Variants in LRRC4C observed in about 807,000 individuals in gnomAD.
The protein encoded by LRRC4C is leucine rich repeat containing 4C.
Under a neutral mutation model 33.6 loss-of-function variants are expected in LRRC4C, and 5 were observed. That is an observed-to-expected ratio of 0.15 (90% confidence interval 0.08 to 0.31). The LOEUF is 0.31. Ranked by LOEUF, LRRC4C falls within the 10% of genes least tolerant of loss-of-function variation. LRRC4C has a pLI of 1.00. For synonymous variants in LRRC4C, 329 were observed against 302.0 expected (o/e 1.09, Z -0.93); for missense variants, 560 against 796.7 (o/e 0.70, Z 3.58).
intron 4 of LRRC4C, among the ~76,000 whole-genome samples, chr11:40,303,202 T>A (rs1944863702): frequency 1.3e-5 from 2 of 152,080 alleles, no homozygotes; most frequent in Non-Finnish European, 1.5e-5. Flanking sequence ...TACGAGGATC[T>A]AAACAAAGGC....
intron 1 of LRRC4C, among the ~76,000 whole-genome samples, chr11:41,374,708 G>A (rs1043617830): frequency 7.2e-5 from 11 of 152,112 alleles, no homozygotes; most frequent in African/African-American, 2.4e-4. Flanking sequence ...AGGGTATTAG[G>A]TTACACTGAG....
intron 2 of LRRC4C, among the ~76,000 whole-genome samples, chr11:40,789,449 T>TA (rs1295030348): frequency 5.3e-5 from 8 of 152,188 alleles, no homozygotes; most frequent in Non-Finnish European, 2.9e-5. Context: ...ATAATAAAAT[T>TA]AAAAAAATTA....
At chr11:40,834,398 G>T in intron 2 of LRRC4C, among the ~76,000 whole-genome samples, 1 of 151,562 alleles carries the variant, frequency 6.6e-6, no homozygotes, top group East Asian at 1.9e-4. Context: ...TTGAATTCGG[G>T]AGGTGGAGGT....
intron 3 of LRRC4C, among the ~76,000 whole-genome samples, chr11:40,364,675 TAAC>T (rs34461847): frequency 0.51 from 77,823 of 151,470 alleles, 20,303 homozygotes; most frequent in East Asian, 0.8. Flanking sequence ...TTTCAAAATT[TAAC>T]AAGGTTTGTA....
At chr11:40,500,905 T>G (rs1354050123) in intron 3 of LRRC4C, among the ~76,000 whole-genome samples, 1 of 152,118 alleles carries the variant, frequency 6.6e-6, no homozygotes, top group East Asian at 1.9e-4. Context: ...TCCAAGATAG[T>G]TAACTCCCTT....
intron 3 of LRRC4C, among the ~76,000 whole-genome samples, chr11:40,576,636 C>A: frequency 6.6e-6 from 1 of 152,130 alleles, no homozygotes; most frequent in Non-Finnish European, 1.5e-5. Flanking sequence ...TTATAACAAT[C>A]CCCCTCCATC....
rs115935178 is a variant in LRRC4C at position 40,860,592 on chromosome 11, G to A, written c.-407+73043C>T. 3.6e-3 allele frequency among the ~76,000 whole-genome samples: 548 copies of A among 151,994 alleles called. 5 individuals are homozygous for A. Among genetic ancestry groups the A allele is most frequent in the African/African-American group, 0.013 (533 of 41,442 alleles). On this transcript the variant is annotated intron_variant, in intron 2 of 6. Transcript: ENST00000528697. ...CTCCAGTCTCTGACTTTGTTGTCAC[G>A]GGGTGTACTACCAGTGCATCTCTGT...
At chr11:40,752,745 T>C (rs951139655) in intron 2 of LRRC4C, among the ~76,000 whole-genome samples, 7 of 152,012 alleles carry the variant, frequency 4.6e-5, no homozygotes, top group South Asian at 2.1e-4. Flanking sequence ...AGAACTACCA[T>C]ACAATCCAGC....
chr11:40,846,491 T>C (rs1045167032), intron 2 of LRRC4C, among the ~76,000 whole-genome samples: 3 of 152,160 alleles, frequency 2.0e-5, no homozygotes, highest in Admixed American at 6.5e-5. Flanking sequence ...TGGTTGTAAA[T>C]GTGTGGTGTT....
chr11:40,704,839 A>G (rs1298767738), intron 2 of LRRC4C, among the ~76,000 whole-genome samples: 1 of 152,160 alleles, frequency 6.6e-6, no homozygotes, highest in Non-Finnish European at 1.5e-5. Flanking sequence ...AAACTGCACT[A>G]TTTTAAGGGC....
chr11:40,399,075 A>G (rs918107841), intron 3 of LRRC4C, among the ~76,000 whole-genome samples: 1 of 152,168 alleles, frequency 6.6e-6, no homozygotes, highest in African/African-American at 2.4e-5. Context: ...TCATACACTT[A>G]GAATGATTAG....
At chr11:40,979,330 C>G (rs1450727148) in intron 1 of LRRC4C, among the ~76,000 whole-genome samples, 2 of 152,180 alleles carry the variant, frequency 1.3e-5, no homozygotes, top group Non-Finnish European at 2.9e-5. Context: ...GCTCTTAGTA[C>G]TCTTTCAATA....
At chr11:40,330,988 C>T (rs1451502488) in intron 3 of LRRC4C, among the ~76,000 whole-genome samples, 1 of 152,150 alleles carries the variant, frequency 6.6e-6, no homozygotes, top group Non-Finnish European at 1.5e-5. Context: ...CCATACCCTA[C>T]CCAGACTCTA....
At chr11:41,054,720 C>A (rs1417703572) in intron 1 of LRRC4C, among the ~76,000 whole-genome samples, 1 of 152,134 alleles carries the variant, frequency 6.6e-6, no homozygotes, top group Non-Finnish European at 1.5e-5. Flanking sequence ...TTGTGCCAGG[C>A]ACTGTGCTAG....
chr11:40,241,834 C>T (rs551327916), intron 4 of LRRC4C: 1 of 152,214 alleles, frequency 6.6e-6, no homozygotes, highest in Non-Finnish European at 1.5e-5. Context: ...CCACCACAGA[C>T]AAGCAAAGCA....
intron 4 of LRRC4C, among the ~76,000 whole-genome samples, chr11:40,311,434 A>T (rs182302398): frequency 6.6e-6 from 1 of 152,198 alleles, no homozygotes; most frequent in Non-Finnish European, 1.5e-5. Context: ...TGAGTGCTCA[A>T]TGAGGACAAT....
chr11:41,327,112 C>T (rs1951146146), intron 1 of LRRC4C, among the ~76,000 whole-genome samples: 2 of 152,154 alleles, frequency 1.3e-5, no homozygotes, highest in African/African-American at 4.8e-5. Context: ...CGTGGTATAG[C>T]TCATTAAATC....
intron 1 of LRRC4C, among the ~76,000 whole-genome samples, chr11:41,055,533 C>T (rs1858555748): frequency 6.6e-6 from 1 of 152,218 alleles, no homozygotes; most frequent in South Asian, 2.1e-4. Flanking sequence ...TTTTTCATGT[C>T]TGTAATAGTA....
chr11:40,182,792 T>G (rs890753098), intron 5 of LRRC4C, among the ~76,000 whole-genome samples: 1 of 152,238 alleles, frequency 6.6e-6, no homozygotes, highest in Non-Finnish European at 1.5e-5. Flanking sequence ...TATCTGTCTT[T>G]GTATTTTCAG....
Sources: gnomAD v4.1 joint callset for allele counts (sites outside exome capture counted in the v4.1 genomes callset) on GRCh38, gnomAD v4.1.1 for gene constraint, MANE v1.5 for transcripts, NCBI Gene and HGNC (gene_info 2026-07-23, HGNC 2026-07-21) for gene names.